The following INPP4B variants were observed in gnomAD, a reference collection of about 807,000 sequenced individuals.
The protein encoded by INPP4B is inositol polyphosphate-4-phosphatase type II B, also known as inositol polyphosphate 4-phosphatase type II.
In INPP4B, 55 loss-of-function variants were observed where a neutral mutation model predicts 122.5. The observed-to-expected ratio is 0.45, with a 90% confidence interval of 0.36 to 0.56. The LOEUF is 0.56. Ranked by LOEUF, INPP4B falls within the 20% of genes least tolerant of loss-of-function variation. The probability of loss-of-function intolerance (pLI) is 0.00; values close to 1 mark genes in which losing one functional copy is unlikely to be tolerated. For missense variants in INPP4B, 1,000 were observed against 1,097.7 expected (o/e 0.91, Z 1.26); for synonymous variants, 403 against 388.7 (o/e 1.04, Z -0.43).
chr4:142,256,202 G>A (rs1735913578), intron 11 of INPP4B, among the ~76,000 whole-genome samples: 1 of 150,954 alleles, frequency 6.6e-6, no homozygotes, highest in Admixed American at 6.6e-5. Context: ...TGCATTCAAA[G>A]CAGTGTGTAG....
rs1012660017 is a variant in INPP4B, at chr4:142,431,368, C to T, written c.-109G>A. ...TCTTCACACTAAAGATCTGATATCC[C>T]ACTCTGAAATTCTGTACCTAGGAAA... On this transcript the variant is annotated 5_prime_UTR_variant, in exon 4 of 26. Coordinates refer to ENST00000262992, the MANE Select transcript of INPP4B (RefSeq NM_001101669.3). 86 of 753,918 alleles carry T rather than the reference C, an allele frequency of 1.1e-4. No homozygotes were observed. The highest frequency in any genetic ancestry group is 5.4e-4 in the South Asian group (33 of 60,622). The allele number at this position is 753,918 out of a possible 1,614,324, so 46.7% of individuals were successfully genotyped here. A position where few individuals can be genotyped will look rare whatever the true frequency, so the allele number is the denominator to read the frequency against.
chr4:142,253,883 G>A (rs1182676525), intron 11 of INPP4B, among the ~76,000 whole-genome samples: 3 of 152,192 alleles, frequency 2.0e-5, no homozygotes, highest in East Asian at 3.9e-4. Flanking sequence ...TGCCTCTGTA[G>A]GCTCCACCTC....
intron 2 of INPP4B, among the ~76,000 whole-genome samples, chr4:142,515,859 T>G (rs1163175942): frequency 6.6e-6 from 1 of 152,188 alleles, no homozygotes; most frequent in Non-Finnish European, 1.5e-5. Flanking sequence ...TTGAAAAAAT[T>G]TAAATGCTTG....
chr4:142,034,764 G>C (rs1742794115), intron 25 of INPP4B, among the ~76,000 whole-genome samples: 1 of 152,096 alleles, frequency 6.6e-6, no homozygotes, highest in South Asian at 2.1e-4. Flanking sequence ...AGCCACTCCA[G>C]TCATGCTCAT....
intron 7 of INPP4B, among the ~76,000 whole-genome samples, chr4:142,360,743 A>G (rs573066633): frequency 2.6e-4 from 40 of 152,072 alleles, no homozygotes; most frequent in African/African-American, 9.1e-4. Flanking sequence ...GGTGACTACA[A>G]TGATGGAATG....
intron 8 of INPP4B, among the ~76,000 whole-genome samples, chr4:142,310,021 AC>A (rs1325924973): frequency 6.6e-6 from 1 of 151,968 alleles, no homozygotes; most frequent in East Asian, 1.9e-4. Flanking sequence ...CTCCCCAGTC[AC>A]CTTTAAGGGG....
chr4:142,701,254 G>A (rs1046960540), intron 2 of INPP4B, among the ~76,000 whole-genome samples: 5 of 152,022 alleles, frequency 3.3e-5, no homozygotes. Flanking sequence ...CCACCCATTT[G>A]GTCTCCATAC....
intron 25 of INPP4B, among the ~76,000 whole-genome samples, chr4:142,080,442 A>T (rs77457787): frequency 0.085 from 13,005 of 152,190 alleles, 670 homozygotes; most frequent in African/African-American, 0.15. Flanking sequence ...AAGAAGAAGA[A>T]GATCACCAGA....
chr4:142,310,442 TA>T (rs1323647295), intron 8 of INPP4B, among the ~76,000 whole-genome samples: 6 of 152,150 alleles, frequency 3.9e-5, no homozygotes, highest in African/African-American at 1.4e-4. Flanking sequence ...CTTGAAAATT[TA>T]AAATTACATA....
At chr4:142,458,280 T>A (rs1815919143) in intron 3 of INPP4B, among the ~76,000 whole-genome samples, 1 of 151,936 alleles carries the variant, frequency 6.6e-6, no homozygotes, top group Non-Finnish European at 1.5e-5. Flanking sequence ...AGCAGAAGAG[T>A]TTGACCATAA....
At chr4:142,050,493 G>GTAGA (rs2152388325) in intron 25 of INPP4B, among the ~76,000 whole-genome samples, 1 of 152,082 alleles carries the variant, frequency 6.6e-6, no homozygotes, top group South Asian at 2.1e-4. Context: ...GAAATTTTCA[G>GTAGA]TAGATAGCAC....
chr4:142,530,088 A>G (rs1282610507), intron 2 of INPP4B, among the ~76,000 whole-genome samples: 1 of 152,088 alleles, frequency 6.6e-6, no homozygotes, highest in Non-Finnish European at 1.5e-5. Flanking sequence ...ACATATGTCA[A>G]CTCCAATGGA....
intron 25 of INPP4B, among the ~76,000 whole-genome samples, chr4:142,037,492 T>C (rs1238044651): frequency 6.6e-6 from 1 of 152,196 alleles, no homozygotes; most frequent in Non-Finnish European, 1.5e-5. Flanking sequence ...CTTATTCCTT[T>C]GACTATAGCT....
chr4:142,772,192 C>T (rs1561051664), intron 1 of INPP4B, among the ~76,000 whole-genome samples: 2 of 152,128 alleles, frequency 1.3e-5, no homozygotes, highest in Middle Eastern at 3.4e-3. Flanking sequence ...AATAAGGCCC[C>T]GAAATGTGTC....
intron 7 of INPP4B, among the ~76,000 whole-genome samples, chr4:142,362,406 G>A (rs1380742050): frequency 6.6e-6 from 1 of 151,758 alleles, no homozygotes; most frequent in African/African-American, 2.4e-5. Flanking sequence ...GAGAAAGAGA[G>A]AAAAGGAAAA....
chr4:142,070,205 C>A (rs74917193), intron 25 of INPP4B, among the ~76,000 whole-genome samples: 2 of 152,110 alleles, frequency 1.3e-5, no homozygotes, highest in Non-Finnish European at 2.9e-5. Flanking sequence ...TAAATGTAAT[C>A]CATCATATAA....
At chr4:142,257,572 G>A (rs1360062923) in intron 11 of INPP4B, among the ~76,000 whole-genome samples, 1 of 151,948 alleles carries the variant, frequency 6.6e-6, no homozygotes, top group Non-Finnish European at 1.5e-5. Flanking sequence ...CAGACAAACA[G>A]AGAGCCAAAT....
chr4:142,545,626 A>G, intron 2 of INPP4B, among the ~76,000 whole-genome samples: 1 of 151,628 alleles, frequency 6.6e-6, no homozygotes, highest in Admixed American at 6.6e-5. Context: ...AATATGTTCA[A>G]TTTTCACATA....
chr4:142,082,751 G>A (rs1774631266), intron 24 of INPP4B, among the ~76,000 whole-genome samples: 1 of 152,140 alleles, frequency 6.6e-6, no homozygotes, highest in African/African-American at 2.4e-5. Flanking sequence ...GAGAACAATA[G>A]AAATGGCCAC....
Sources: gnomAD v4.1 joint callset for allele counts (sites outside exome capture counted in the v4.1 genomes callset) on GRCh38, gnomAD v4.1.1 for gene constraint, MANE v1.5 for transcripts, NCBI Gene and HGNC (gene_info 2026-07-23, HGNC 2026-07-21) for gene names.